Variants in GABPB2 observed in about 807,000 individuals in gnomAD.
GABPB2 encodes the protein GA binding protein transcription factor subunit beta 2, also known as GA-binding protein subunit beta-2.
GABPB2 carries 23 observed loss-of-function variants against 39.1 expected under a neutral mutation model. The observed-to-expected ratio is 0.59, with a 90% CI of 0.42 to 0.83. The LOEUF is 0.83. Ranked by LOEUF, GABPB2 falls within the 40% of genes least tolerant of loss-of-function variation. The pLI, the probability that GABPB2 is intolerant of heterozygous loss-of-function variation, is 0.00. For missense variants in GABPB2, 467 were observed against 541.1 expected, an observed-to-expected ratio of 0.86 and a Z score of 1.36; for synonymous variants, 184 against 199.3, an observed-to-expected ratio of 0.92 and a Z score of 0.65.
At chr1:151,081,825 CAG>C (rs1677729081) in intron 1 of GABPB2, among the ~76,000 whole-genome samples, 2 of 151,502 alleles carry the variant, frequency 1.3e-5, no homozygotes, top group South Asian at 2.1e-4. Context: ...TTTGAAAAGA[CAG>C]AGTTTCACTA....
At chr1:151,077,507 A>G (rs1020393092) in intron 1 of GABPB2, among the ~76,000 whole-genome samples, 1 of 151,558 alleles carries the variant, frequency 6.6e-6, no homozygotes, top group Non-Finnish European at 1.5e-5. Flanking sequence ...CAGGCATGCA[A>G]CACCACGCCC....
Position 151,088,040 on chromosome 1 carries a change from C to T in GABPB2, c.1-150C>T, listed in dbSNP as rs587661736. On this transcript the variant is annotated intron_variant, in intron 1 of 8. Transcript: ENST00000368918. The stretch of plus-strand genomic sequence containing the variant: ...CAAATATTTTATTGTTTGTGTTAGA[C>T]GAGGTAGAAAGGAAGTGACCTACCA... The T allele has an allele frequency of 4.8e-3, 2,836 of 589,748 alleles. 105 individuals are homozygous for T. The South Asian group carries it at 0.057, about 12-fold the overall frequency. 36.5% of individuals were successfully genotyped at this position (589,748 alleles called of 1,614,324 possible).
At chr1:151,071,899 TC>T (rs1315105271) in intron 1 of GABPB2, among the ~76,000 whole-genome samples, 2 of 152,238 alleles carry the variant, frequency 1.3e-5, no homozygotes, top group African/African-American at 4.8e-5. Context: ...TTCACATACT[TC>T]CTTGAGCCAG....
intron 7 of GABPB2, chr1:151,112,496 C>G (rs997580124): frequency 4.6e-5 from 7 of 151,808 alleles, no homozygotes; most frequent in African/African-American, 1.7e-4. Flanking sequence ...CGTTTCCCAC[C>G]ATGCCCGGCT....
chr1:151,079,611 A>G (rs1428600633), intron 1 of GABPB2, among the ~76,000 whole-genome samples: 1 of 151,644 alleles, frequency 6.6e-6, no homozygotes, highest in East Asian at 1.9e-4. Context: ...CTGCTCAGAA[A>G]CATTTTGCGA....
intron 1 of GABPB2, among the ~76,000 whole-genome samples, chr1:151,078,784 C>T (rs1441791251): frequency 2.0e-5 from 3 of 151,800 alleles, no homozygotes; most frequent in Non-Finnish European, 4.4e-5. Context: ...GGAGTACAGG[C>T]GTGCACCACC....
At chr1:151,089,062 G>A (rs1208424633) in intron 2 of GABPB2, among the ~76,000 whole-genome samples, 1 of 152,074 alleles carries the variant, frequency 6.6e-6, no homozygotes, top group Non-Finnish European at 1.5e-5. Flanking sequence ...AGAGGAAGGT[G>A]TAATTTAGCC....
chr1:151,081,783 C>T (rs1339378032), intron 1 of GABPB2, among the ~76,000 whole-genome samples: 1 of 151,714 alleles, frequency 6.6e-6, no homozygotes, highest in African/African-American at 2.4e-5. Context: ...TGCAGACGTG[C>T]ACCACCATGC....
chr1:151,117,343 T>C, intron 7 of GABPB2, 49 bp from the exon 8 acceptor site: 1 of 1,574,772 alleles, frequency 6.4e-7, no homozygotes, highest in Non-Finnish European at 8.6e-7. Flanking sequence ...AAAACCTCTT[T>C]GTTTTATTAT....
Position 151,117,415 on chromosome 1 carries a change from G to T in GABPB2, c.946G>T (p.Val316Phe), listed in dbSNP as rs772872073. The change falls in exon 8 of 9, where the codon GTT becomes TTT. Residue 316 changes from valine (V) to phenylalanine (F), a missense_variant. Physicochemically the swap from Val to Phe is conservative, Grantham distance 50 (BLOSUM62 -1). Coordinates refer to ENST00000368918, the MANE Select transcript of GABPB2 (RefSeq NM_144618.3). ...QQVLTVPAGKVAEETVIKEEE... is the reference protein window; with the variant it reads ...QQVLTVPAGKFAEETVIKEEE... ...AGTTCTAACTGTACCTGCTGGTAAG[G>T]TTGCAGAGGAGACTGTAATTAAAGA... is the stretch of plus-strand genomic sequence containing the variant. The T allele has an allele frequency of 3.1e-6, 5 of 1,613,874 alleles. No individual in the cohort carries two copies. In the East Asian group the frequency reaches 8.9e-5, roughly 29 times the overall value.
chr1:151,104,846 CT>C (rs1341864499), intron 6 of GABPB2, among the ~76,000 whole-genome samples: 1 of 140,996 alleles, frequency 7.1e-6, no homozygotes, highest in Middle Eastern at 3.5e-3. Context: ...CTCTCTCTTT[CT>C]TTCTTTCTTT....
chr1:151,101,011 G>A (rs1679475817), intron 5 of GABPB2, among the ~76,000 whole-genome samples: 1 of 152,044 alleles, frequency 6.6e-6, no homozygotes, highest in African/African-American at 2.4e-5. Flanking sequence ...TTGGGAGGCT[G>A]AGGCAGGTGG....
intron 7 of GABPB2, among the ~76,000 whole-genome samples, chr1:151,112,898 G>A (rs1300120750): frequency 2.0e-5 from 3 of 151,390 alleles, no homozygotes; most frequent in African/African-American, 7.3e-5. Context: ...AGCCTCCTGA[G>A]TAGCTGGGAC....
At position 151,118,173 on chromosome 1, in the gene GABPB2, G is replaced by A. The variant is rs1205551739; in HGVS notation, c.1264G>A (p.Glu422Lys). The part of the protein sequence containing the change: ...DAVVVTEGEL[E>K]ERETKVTGSA... Reference sequence around the variant, plus strand: ...TGTAGTAGTCACAGAGGGGGAGTTGGAAGAGAGAGAGACAAAAGTGACTGG... The same window carrying A: ...TGTAGTAGTCACAGAGGGGGAGTTGAAAGAGAGAGAGACAAAAGTGACTGG... Residue 422 changes from glutamate to lysine, a missense_variant, in exon 9 of 9, where the codon GAA becomes AAA. Physicochemically the swap from Glu to Lys is moderately conservative, Grantham distance 56. Coordinates refer to ENST00000368918, the MANE Select transcript of GABPB2 (RefSeq NM_144618.3). 6.2e-7 allele frequency: 1 copy of A among 1,614,036 alleles called. No homozygotes were observed. The highest frequency in any genetic ancestry group is 2.2e-5 in the East Asian group (1 of 44,892).
chr1:151,080,394 C>T (rs1275593749), intron 1 of GABPB2, among the ~76,000 whole-genome samples: 1 of 150,016 alleles, frequency 6.7e-6, no homozygotes, highest in Non-Finnish European at 1.5e-5. Flanking sequence ...GCCTGTAATC[C>T]CAGGTACTCG....
At chr1:151,104,822 T>TC in intron 6 of GABPB2, among the ~76,000 whole-genome samples, 1 of 150,582 alleles carries the variant, frequency 6.6e-6, no homozygotes, top group African/African-American at 2.4e-5. Context: ...TTCCTTTCTT[T>TC]CTTTCTTTCT....
intron 7 of GABPB2, 142 bp from the exon 8 acceptor site, chr1:151,117,250 G>C: frequency 1.3e-6 from 1 of 787,200 alleles, no homozygotes; most frequent in East Asian, 2.6e-5. Flanking sequence ...CCAGTCAGCT[G>C]CCTGAGTAGC....
At position 151,111,164 on chromosome 1, in the gene GABPB2, C is replaced by T. The variant is rs587669115; in HGVS notation, c.922+3942C>T. ...GATGTGGTGGCCCCAGCCTGGAGTG[C>T]AGTGGCACGATCATGACTTACGGCA... On this transcript the variant is annotated intron_variant, in intron 7 of 8. Coordinates refer to ENST00000368918, the MANE Select transcript of GABPB2 (RefSeq NM_144618.3). Among the ~76,000 whole-genome samples the T allele has an allele frequency of 3.3e-5, 5 of 152,148 alleles. No individual in the cohort carries two copies. In the South Asian group the frequency reaches 1.0e-3, roughly 32 times the overall value.
intron 3 of GABPB2, among the ~76,000 whole-genome samples, 191 bp from the exon 4 acceptor site, chr1:151,093,001 C>A (rs1438992135): frequency 6.6e-6 from 1 of 152,058 alleles, no homozygotes; most frequent in Admixed American, 6.6e-5. Flanking sequence ...TTAGAGGACC[C>A]ACTCGTTGAA....
Sources: allele counts gnomAD v4.1 joint callset (sites outside exome capture counted in the v4.1 genomes callset), GRCh38; gene constraint gnomAD v4.1.1; transcripts MANE v1.5; gene names NCBI Gene and HGNC (gene_info 2026-07-23, HGNC 2026-07-21).